The following TMEM131 variants were observed in gnomAD, a reference collection of about 807,000 sequenced individuals.
TMEM131 encodes the protein transmembrane protein 131.
Under a neutral mutation model 211.6 loss-of-function variants are expected in TMEM131, and 66 were observed. The ratio of observed to expected loss-of-function variants is 0.31; its 90% confidence interval spans 0.26 to 0.38. TMEM131 has a LOEUF of 0.38. Among genes scored for constraint, TMEM131 ranks in the 10% least tolerant of loss-of-function variants. TMEM131 has a pLI of 1.00. For missense variants in TMEM131, 2,036 were observed against 2,299.3 expected (o/e 0.89, Z 2.34); for synonymous variants, 844 against 841.3 (o/e 1.00, Z -0.06).
rs1006511149 is a variant in TMEM131, at chr2:97,959,810, T to C, written c.188-32323A>G. Among the ~76,000 whole-genome samples the C allele has an allele frequency of 5.9e-5, 9 of 152,264 alleles. 2 individuals are homozygous for C. ...CCTTTTTTTTCAGTCCAGCATCCAATCAAGGATCATGCATTACAGCATTAT... is the reference window on the plus strand; with the variant it reads ...CCTTTTTTTTCAGTCCAGCATCCAACCAAGGATCATGCATTACAGCATTAT... On this transcript the variant is annotated intron_variant, in intron 1 of 40. Transcript: ENST00000186436.
chr2:97,793,592 T>G, intron 29 of TMEM131, 39 bp from the exon 30 acceptor site: 1 of 1,560,144 alleles, frequency 6.4e-7, no homozygotes, highest in Non-Finnish European at 8.7e-7. Flanking sequence ...AGGATTCATT[T>G]GTTAGTAGAC....
chr2:97,978,724 T>A (rs1034170049), intron 1 of TMEM131, among the ~76,000 whole-genome samples: 14 of 152,206 alleles, frequency 9.2e-5, no homozygotes, highest in African/African-American at 3.4e-4. Flanking sequence ...AGTCACTTCC[T>A]CTACTGACAT....
In TMEM131 at chr2:97,927,491, T is replaced by A. The variant is rs1335654404; in HGVS notation, c.188-4A>T. ...ATGCTCTCTGACTGAACGAATGCTG[T>A]GAAGAAAACAAAACATACCATCACT... On this transcript the variant is annotated splice_polypyrimidine_tract_variant and splice_region_variant and intron_variant, in intron 1 of 40. Transcript: ENST00000186436. 6.4e-7 allele frequency: 1 copy of A among 1,565,126 alleles called. No homozygotes were observed. The highest frequency in any genetic ancestry group is 8.6e-7 in the Non-Finnish European group (1 of 1,157,462).
At chr2:97,806,260 G>A (rs143939093) in intron 19 of TMEM131, among the ~76,000 whole-genome samples, 60 of 152,286 alleles carry the variant, frequency 3.9e-4, no homozygotes, top group Admixed American at 3.2e-3. Flanking sequence ...ACACAAGCTG[G>A]GCACAGTGGC....
At chr2:97,827,571 T>C in intron 11 of TMEM131, 1 of 892,842 alleles carries the variant, frequency 1.1e-6, no homozygotes, top group Admixed American at 1.7e-5. Flanking sequence ...CCATGTCTTA[T>C]CAGTGGTCCC....
chr2:97,841,806 T>A lies in TMEM131; in HGVS notation c.723+9A>T, dbSNP rs769232034. On this transcript the variant is annotated intron_variant, in intron 7 of 40. Transcript: ENST00000186436. Reference sequence around the variant, plus strand: ...TGAAGCTTATTCAAAATTACCATCATAAACTCACCTGTAAAGGCTCACTGT... The same window carrying A: ...TGAAGCTTATTCAAAATTACCATCAAAAACTCACCTGTAAAGGCTCACTGT... The A allele has an allele frequency of 6.4e-7, 1 of 1,570,864 alleles. No homozygotes were observed. The highest frequency in any genetic ancestry group is 1.2e-5 in the South Asian group (1 of 83,200).
At chr2:97,864,689 T>C (rs1022750750) in intron 4 of TMEM131, among the ~76,000 whole-genome samples, 4 of 152,030 alleles carry the variant, frequency 2.6e-5, no homozygotes, top group African/African-American at 9.7e-5. Context: ...CTCCAAGAAA[T>C]AACCAAAAAA....
At chr2:97,994,545 T>A (rs1020882618) in intron 1 of TMEM131, among the ~76,000 whole-genome samples, 2 of 152,192 alleles carry the variant, frequency 1.3e-5, no homozygotes, top group Non-Finnish European at 2.9e-5. Context: ...GAAATTGTTT[T>A]CTTGTACAGG....
chr2:97,890,690 A>T (rs1675341935), intron 3 of TMEM131, among the ~76,000 whole-genome samples: 1 of 152,204 alleles, frequency 6.6e-6, no homozygotes, highest in African/African-American at 2.4e-5. Context: ...AGATTCTCTC[A>T]TGATTTTCCA....
chr2:97,922,616 GA>G (rs914737074), intron 2 of TMEM131, among the ~76,000 whole-genome samples: 4 of 148,296 alleles, frequency 2.7e-5, no homozygotes, highest in East Asian at 2.0e-4. Context: ...AAAGGAGCCA[GA>G]AAAAAAAAAT....
chr2:97,888,165 A>G (rs1573513448), intron 3 of TMEM131, 45 bp from the exon 4 acceptor site: 1 of 1,525,612 alleles, frequency 6.6e-7, no homozygotes, highest in Non-Finnish European at 9.0e-7. Context: ...TCTTCAAAAT[A>G]TATGTTTCCC....
At chr2:97,771,341 C>G (rs995514874) in intron 33 of TMEM131, among the ~76,000 whole-genome samples, 1 of 152,144 alleles carries the variant, frequency 6.6e-6, no homozygotes, top group South Asian at 2.1e-4. Flanking sequence ...TTCTATAGAA[C>G]AGGACTGGCC....
At chr2:97,843,269 A>G (rs1270460586) in intron 6 of TMEM131, among the ~76,000 whole-genome samples, 1 of 152,180 alleles carries the variant, frequency 6.6e-6, no homozygotes, top group Admixed American at 6.5e-5. Context: ...AACTGTACCT[A>G]TAACATAGGT....
At chr2:97,767,974 A>G (rs1302427402) in intron 33 of TMEM131, among the ~76,000 whole-genome samples, 1 of 152,206 alleles carries the variant, frequency 6.6e-6, no homozygotes, top group Non-Finnish European at 1.5e-5. Context: ...ATTCCCCAAC[A>G]TCCTCAATGT....
rs1224982860 is a variant in TMEM131 at position 97,794,943 on chromosome 2, AGAT to A, written c.3370_3372del (p.Ile1124del). On this transcript the variant is annotated inframe_deletion, in exon 29 of 41. Coordinates refer to ENST00000186436, the MANE Select transcript of TMEM131 (RefSeq NM_015348.2). ...AAGACACAATACCTCATTATTCCTG[AGAT>A]GATGATATACAGAGCCAGTTCCCAG... is the stretch of plus-strand genomic sequence containing the variant. 6.3e-7 allele frequency: 1 copy of A among 1,587,112 alleles called. No individual in the cohort carries two copies. Among genetic ancestry groups the A allele is most frequent in the Non-Finnish European group, 8.6e-7 (1 of 1,166,404 alleles).
At chr2:97,988,317 G>C (rs1326787766) in intron 1 of TMEM131, among the ~76,000 whole-genome samples, 1 of 152,070 alleles carries the variant, frequency 6.6e-6, no homozygotes, top group Admixed American at 6.6e-5. Flanking sequence ...ACTCAAAATG[G>C]GTTAAAGACC....
intron 11 of TMEM131, among the ~76,000 whole-genome samples, chr2:97,821,548 C>A (rs958924244): frequency 6.6e-6 from 1 of 152,194 alleles, no homozygotes; most frequent in Admixed American, 6.5e-5. Context: ...GTAACACTCA[C>A]CACGAAGGTC....
At chr2:97,955,662 G>A (rs1184647377) in intron 1 of TMEM131, among the ~76,000 whole-genome samples, 2 of 151,836 alleles carry the variant, frequency 1.3e-5, no homozygotes, top group Admixed American at 1.3e-4. Context: ...ATGAACATAT[G>A]GAAACCAAAA....
intron 3 of TMEM131, among the ~76,000 whole-genome samples, chr2:97,899,963 A>ATT (rs1208129396): frequency 2.0e-5 from 3 of 152,118 alleles, no homozygotes; most frequent in Non-Finnish European, 2.9e-5. Context: ...ATGAGGTGAC[A>ATT]TACCAATAAA....
Sources: gnomAD v4.1 joint callset for allele counts (sites outside exome capture counted in the v4.1 genomes callset) on GRCh38, gnomAD v4.1.1 for gene constraint, MANE v1.5 for transcripts, NCBI Gene and HGNC (gene_info 2026-07-23, HGNC 2026-07-21) for gene names.